The following AUTS2 variants were observed in gnomAD, a reference collection of about 807,000 sequenced individuals.
AUTS2 encodes autism susceptibility gene 2 protein.
Under a neutral mutation model 112.4 loss-of-function variants are expected in AUTS2, and 17 were observed. The ratio of observed to expected loss-of-function variants is 0.15; its 90% confidence interval spans 0.10 to 0.23. AUTS2 has a LOEUF of 0.23. Among genes scored for constraint, AUTS2 ranks in the 10% least tolerant of loss-of-function variants. The pLI, the probability that AUTS2 is intolerant of heterozygous loss-of-function variation, is 1.00. For synonymous variants in AUTS2, 751 were observed against 702.7 expected (o/e 1.07, Z -1.09); for missense variants, 1,510 against 1,701.6 (o/e 0.89, Z 1.98).
intron 2 of AUTS2, among the ~76,000 whole-genome samples, chr7:69,975,766 C>A (rs1456278969): frequency 1.3e-5 from 2 of 151,880 alleles, no homozygotes; most frequent in Middle Eastern, 3.2e-3. Context: ...CGGCTCACTG[C>A]AACCTCTGCC....
chr7:70,359,522 A>G (rs1377944884), intron 4 of AUTS2, among the ~76,000 whole-genome samples: 1 of 152,198 alleles, frequency 6.6e-6, no homozygotes, highest in East Asian at 1.9e-4. Context: ...TGGTCAAAAC[A>G]TGGCAGAGAA....
intron 4 of AUTS2, among the ~76,000 whole-genome samples, chr7:70,371,839 C>G (rs923014390): frequency 7.2e-5 from 11 of 152,098 alleles, no homozygotes; most frequent in African/African-American, 2.7e-4. Context: ...CTATGCAAAC[C>G]TTGACCTTTG....
At chr7:69,696,535 C>A (rs979741774) in intron 1 of AUTS2, among the ~76,000 whole-genome samples, 12 of 152,180 alleles carry the variant, frequency 7.9e-5, no homozygotes, top group African/African-American at 2.9e-4. Context: ...AATACTCTTA[C>A]CCTCTTATCT....
intron 6 of AUTS2, among the ~76,000 whole-genome samples, chr7:70,721,202 T>C (rs902919620): frequency 6.6e-6 from 1 of 151,746 alleles, no homozygotes; most frequent in African/African-American, 2.4e-5. Flanking sequence ...CTGGTATTGT[T>C]ACTGCTGTAT....
At chr7:70,693,906 C>T (rs1426250734) in intron 5 of AUTS2, among the ~76,000 whole-genome samples, 1 of 152,044 alleles carries the variant, frequency 6.6e-6, no homozygotes. Flanking sequence ...GTCGATGTCG[C>T]GCCTGGGGAC....
At chr7:70,271,631 T>C (rs1337752801) in intron 4 of AUTS2, among the ~76,000 whole-genome samples, 4 of 152,218 alleles carry the variant, frequency 2.6e-5, no homozygotes, top group Admixed American at 6.5e-5. Flanking sequence ...CCCTGCAGAA[T>C]AGTACTGTGG....
rs141179569 is a variant in AUTS2, at chr7:69,768,526, A to T, written c.310-130760A>T. 1.5e-3 allele frequency among the ~76,000 whole-genome samples: 222 copies of T among 152,290 alleles called. 1 individual carries two copies. Among genetic ancestry groups the T allele is most frequent in the African/African-American group, 4.5e-3 (186 of 41,546 alleles). ...GTATTTACAGCTTTGCAGAGCTGGG[A>T]TGCCCTTAACACATGCAGCTCTGGA... On this transcript the variant is annotated intron_variant, in intron 1 of 18. Transcript: ENST00000342771.
intron 5 of AUTS2, among the ~76,000 whole-genome samples, chr7:70,502,011 A>C (rs1798789078): frequency 6.6e-6 from 1 of 152,100 alleles, no homozygotes; most frequent in South Asian, 2.1e-4. Context: ...TTTCCCTGTC[A>C]ATAGCATTCT....
At chr7:69,935,940 G>A (rs1408580529) in intron 2 of AUTS2, among the ~76,000 whole-genome samples, 1 of 152,174 alleles carries the variant, frequency 6.6e-6, no homozygotes, top group African/African-American at 2.4e-5. Flanking sequence ...GCTAAAAAAG[G>A]CATTTAGTAT....
At chr7:69,740,295 T>TA (rs2129244731) in intron 1 of AUTS2, among the ~76,000 whole-genome samples, 2 of 152,272 alleles carry the variant, frequency 1.3e-5, no homozygotes, top group African/African-American at 4.8e-5. Context: ...CAGGAAAGAA[T>TA]GACAGCTGAT....
intron 5 of AUTS2, among the ~76,000 whole-genome samples, chr7:70,516,812 G>A (rs1018180792): frequency 5.3e-5 from 8 of 152,148 alleles, no homozygotes; most frequent in African/African-American, 1.7e-4. Context: ...AATACTGTAT[G>A]CTAGGTTGAA....
At chr7:70,343,332 A>G (rs1317929899) in intron 4 of AUTS2, among the ~76,000 whole-genome samples, 1 of 152,162 alleles carries the variant, frequency 6.6e-6, no homozygotes, top group East Asian at 1.9e-4. Flanking sequence ...TATTGCTTTG[A>G]ACTCTGGAAT....
At chr7:69,818,431 A>G (rs147816341) in intron 1 of AUTS2, among the ~76,000 whole-genome samples, 2 of 152,228 alleles carry the variant, frequency 1.3e-5, no homozygotes, top group Non-Finnish European at 2.9e-5. Flanking sequence ...TGGAGTCTGC[A>G]TGTACATGTC....
chr7:70,653,805 G>C (rs1271440573), intron 5 of AUTS2, among the ~76,000 whole-genome samples: 2 of 152,156 alleles, frequency 1.3e-5, no homozygotes, highest in Admixed American at 1.3e-4. Flanking sequence ...TCTCAACCCT[G>C]GTGTTGGGCT....
intron 4 of AUTS2, among the ~76,000 whole-genome samples, chr7:70,136,643 C>T (rs1179134310): frequency 6.6e-6 from 1 of 152,140 alleles, no homozygotes; most frequent in Non-Finnish European, 1.5e-5. Flanking sequence ...GTAAAGAAGG[C>T]TCAGCTTCAG....
At chr7:69,962,714 ATGTG>A (rs528545629) in intron 2 of AUTS2, among the ~76,000 whole-genome samples, 5 of 150,084 alleles carry the variant, frequency 3.3e-5, no homozygotes, top group South Asian at 2.1e-4. Flanking sequence ...ATGTATGTGT[ATGTG>A]TGTGTGTGTG....
intron 4 of AUTS2, among the ~76,000 whole-genome samples, chr7:70,361,635 A>G (rs924246459): frequency 2.6e-5 from 4 of 152,272 alleles, no homozygotes; most frequent in African/African-American, 9.6e-5. Context: ...CAAAAGTGCT[A>G]AATTATACAG....
At chr7:70,228,281 T>G (rs1203962476) in intron 4 of AUTS2, among the ~76,000 whole-genome samples, 1 of 152,032 alleles carries the variant, frequency 6.6e-6, no homozygotes, top group Admixed American at 6.5e-5. Flanking sequence ...GTTCACATAC[T>G]GTTTTTCAAT....
chr7:69,935,838 C>A (rs747282659), intron 2 of AUTS2, among the ~76,000 whole-genome samples: 1 of 152,068 alleles, frequency 6.6e-6, no homozygotes, highest in Non-Finnish European at 1.5e-5. Flanking sequence ...TCTGGTTTAG[C>A]GGTTAGAGCC....
Sources: allele counts gnomAD v4.1 joint callset (sites outside exome capture counted in the v4.1 genomes callset), GRCh38; gene constraint gnomAD v4.1.1; transcripts MANE v1.5; gene names NCBI Gene and HGNC (gene_info 2026-07-23, HGNC 2026-07-21).